Variants in GIGYF2 observed in about 807,000 individuals in gnomAD.
The protein encoded by GIGYF2 is GRB10 interacting GYF protein 2, also known as GRB10-interacting GYF protein 2.
A neutral mutation model predicts 208.1 loss-of-function variants in GIGYF2; 25 were observed. The observed-to-expected ratio is 0.12, with a 90% CI of 0.09 to 0.17. GIGYF2 has a LOEUF of 0.17. GIGYF2 is among the 10% of genes least tolerant of loss of function. The pLI is 1.00. For synonymous variants in GIGYF2, 534 were observed against 543.8 expected (o/e 0.98, Z 0.25); for missense variants, 1,302 against 1,579.4 (o/e 0.82, Z 2.98).
rs1695638733 is a variant in GIGYF2 at position 232,697,388 on chromosome 2, C to A, written c.-114C>A. 1 of 152,500 alleles carries A rather than the reference C, an allele frequency of 6.6e-6. No individual in the cohort carries two copies. The highest frequency in any genetic ancestry group is 1.5e-5 in the Non-Finnish European group (1 of 68,200). 9.4% of individuals were successfully genotyped at this position (152,500 alleles called of 1,614,324 possible). ...GGTTCTGAGACTCCCTGTCCCGGAC[C>A]GCAGGTAACCAGCCGTTCCGTGTCG... On this transcript the variant is annotated 5_prime_UTR_variant, in exon 1 of 29. Coordinates refer to ENST00000373563, the MANE Select transcript of GIGYF2 (RefSeq NM_001103146.3).
intron 22 of GIGYF2, among the ~76,000 whole-genome samples, chr2:232,835,717 G>T (rs528314354): frequency 1.3e-5 from 2 of 152,266 alleles, no homozygotes; most frequent in South Asian, 2.1e-4. Context: ...CCTTGCTCTT[G>T]CCCATGTTGG....
rs935760660 is a variant in GIGYF2 at position 232,768,938 on chromosome 2, A to T, written c.532+7502A>T. 1.3e-5 allele frequency: 10 copies of T among 768,420 alleles called. No individual in the cohort carries two copies. In the African/African-American group the frequency reaches 1.8e-4, roughly 13 times the overall value. The allele number at this position is 768,420 out of a possible 1,614,324, so 47.6% of individuals were successfully genotyped here. A position where few individuals can be genotyped will look rare whatever the true frequency, so the allele number is the denominator to read the frequency against. On this transcript the variant is annotated intron_variant, in intron 8 of 28. Transcript: ENST00000373563. ...GTGCCATGCCTTTCAGTGAGTCAGG[A>T]ATTGAACTCATTGTTAATTTGGTCA... is the stretch of plus-strand genomic sequence containing the variant.
chr2:232,786,476 A>G (rs1699911481), intron 8 of GIGYF2, among the ~76,000 whole-genome samples: 2 of 152,148 alleles, frequency 1.3e-5, no homozygotes, highest in South Asian at 4.1e-4. Context: ...TGACCTCGTG[A>G]TCCACCTGTC....
intron 5 of GIGYF2, among the ~76,000 whole-genome samples, chr2:232,754,136 G>T (rs1356641112): frequency 1.3e-5 from 2 of 151,062 alleles, no homozygotes; most frequent in Non-Finnish European, 2.9e-5. Context: ...CTGCACTCCA[G>T]CCTGGATGAC....
At position 232,806,869 on chromosome 2, in the gene GIGYF2, C is replaced by T. The variant is rs1019309013; in HGVS notation, c.1806+212C>T. On this transcript the variant is annotated intron_variant, in intron 15 of 28. Coordinates refer to ENST00000373563, the MANE Select transcript of GIGYF2 (RefSeq NM_001103146.3). This position sits in a 1 kb window ranked among gnomAD's most constrained non-coding sequence, Gnocchi z 4.0. ...TAACCTGTGCCCATCCTCTTCACAC[C>T]CCAGCTCCTCCCCAACAGGGAAACG... Among the ~76,000 whole-genome samples, 6 of 152,110 alleles carry T rather than the reference C, an allele frequency of 3.9e-5. No homozygotes were observed. The highest frequency in any genetic ancestry group is 1.4e-4 in the African/African-American group (6 of 41,406).
intron 18 of GIGYF2, among the ~76,000 whole-genome samples, chr2:232,814,940 A>G (rs1225267233): frequency 1.3e-5 from 2 of 152,174 alleles, no homozygotes; most frequent in African/African-American, 4.8e-5. Flanking sequence ...GGTGCTAGAA[A>G]ACTTCGCTGG....
chr2:232,851,571 C>T (rs978181423), intron 28 of GIGYF2, among the ~76,000 whole-genome samples: 3 of 152,098 alleles, frequency 2.0e-5, no homozygotes, highest in Non-Finnish European at 4.4e-5. Context: ...AGGCACATGC[C>T]GCCACACCTG....
chr2:232,720,811 T>C (rs1312362174), intron 2 of GIGYF2, among the ~76,000 whole-genome samples: 1 of 152,102 alleles, frequency 6.6e-6, no homozygotes, highest in East Asian at 1.9e-4. Context: ...GCCAGGCTGG[T>C]TTCGAACTCC....
chr2:232,716,374 GTTTTTT>G (rs397988241), intron 2 of GIGYF2, among the ~76,000 whole-genome samples: 3 of 100,280 alleles, frequency 3.0e-5, no homozygotes, highest in Non-Finnish European at 1.9e-5. Flanking sequence ...GGTGTTATTT[GTTTTTT>G]TTTTTTTTTT....
At chr2:232,802,961 A>G (rs1700445370) in intron 14 of GIGYF2, among the ~76,000 whole-genome samples, 1 of 149,870 alleles carries the variant, frequency 6.7e-6, no homozygotes, top group Admixed American at 6.7e-5. Context: ...GTGCAGTGGC[A>G]CAGTCTCAGC....
intron 23 of GIGYF2, chr2:232,843,179 GTGTA>G (rs1218784988): frequency 2.2e-5 from 3 of 136,906 alleles, no homozygotes; most frequent in East Asian, 2.1e-4. Context: ...GTGTGTGTGT[GTGTA>G]TAATCTGTCA....
intron 20 of GIGYF2, among the ~76,000 whole-genome samples, chr2:232,818,005 G>T (rs957962749): frequency 6.6e-6 from 1 of 152,154 alleles, no homozygotes; most frequent in Non-Finnish European, 1.5e-5. Flanking sequence ...GCTGTTCCCA[G>T]TGTCTCCACA....
intron 1 of GIGYF2, among the ~76,000 whole-genome samples, chr2:232,698,934 C>A (rs1039773674): frequency 6.6e-6 from 1 of 152,166 alleles, no homozygotes; most frequent in African/African-American, 2.4e-5. Flanking sequence ...ATTTATTTGA[C>A]AGATACCCTG....
intron 12 of GIGYF2, among the ~76,000 whole-genome samples, 199 bp downstream of exon 12, chr2:232,791,645 G>A (rs73102274): frequency 0.015 from 2,266 of 152,274 alleles, 69 homozygotes; most frequent in African/African-American, 0.052. Flanking sequence ...AACAGAGTTC[G>A]AATCTGCAAG....
At chr2:232,746,723 A>G (rs776080265) in intron 3 of GIGYF2, among the ~76,000 whole-genome samples, 69 of 152,006 alleles carry the variant, frequency 4.5e-4, no homozygotes, top group Admixed American at 3.3e-4. Flanking sequence ...GTAGTTTTCA[A>G]TTTCTCTTTG....
At chr2:232,851,270 A>G (rs115705239) in intron 28 of GIGYF2, among the ~76,000 whole-genome samples, 3,533 of 152,292 alleles carry the variant, frequency 0.023, 148 homozygotes, top group African/African-American at 0.08. Context: ...AGCTGTGATC[A>G]TGCCACTGCA....
intron 27 of GIGYF2, among the ~76,000 whole-genome samples, chr2:232,849,768 A>G (rs1690240355): frequency 6.6e-6 from 1 of 152,234 alleles, no homozygotes; most frequent in Non-Finnish European, 1.5e-5. Flanking sequence ...GTATACAGAC[A>G]GTATTTTTGG....
At chr2:232,834,071 G>A (rs1284825947) in intron 22 of GIGYF2, among the ~76,000 whole-genome samples, 1 of 152,070 alleles carries the variant, frequency 6.6e-6, no homozygotes, top group Non-Finnish European at 1.5e-5. Flanking sequence ...ATAAGTTTCA[G>A]TGACTGAGAA....
chr2:232,712,609 A>G (rs1696472305), intron 2 of GIGYF2, among the ~76,000 whole-genome samples: 1 of 152,170 alleles, frequency 6.6e-6, no homozygotes, highest in Non-Finnish European at 1.5e-5. Flanking sequence ...GAAAAATGCA[A>G]ATAATATTTT....
Sources: allele counts gnomAD v4.1 joint callset (sites outside exome capture counted in the v4.1 genomes callset), GRCh38; gene constraint gnomAD v4.1.1; non-coding constraint Gnocchi (gnomAD v3.1); transcripts MANE v1.5; gene names NCBI Gene and HGNC (gene_info 2026-07-23, HGNC 2026-07-21).